Variants in CFAP54 observed in about 807,000 individuals in gnomAD.
CFAP54 encodes the protein cilia- and flagella-associated protein 54.
CFAP54 carries 290 observed loss-of-function variants against 370.4 expected under a neutral mutation model. The observed-to-expected ratio is 0.78, with a 90% CI of 0.71 to 0.86. CFAP54 has a LOEUF of 0.86. CFAP54 is among the 40% of genes least tolerant of loss of function. CFAP54 has a pLI of 0.00. For synonymous variants in CFAP54, 1,206 were observed against 1,236.5 expected (o/e 0.98, Z 0.52); for missense variants, 3,399 against 3,528.7 (o/e 0.96, Z 0.93).
Position 96,554,235 on chromosome 12 carries a change from C to A in CFAP54, c.2208C>A (p.Ile736=). The change falls in exon 16 of 68, where the codon ATC becomes ATA. Residue 736 remains isoleucine, a synonymous_variant. Coordinates refer to ENST00000524981, the MANE Select transcript of CFAP54 (RefSeq NM_001306084.2). ...CTTATAAACTTCTTGACAGAGCAAT[C>A]GGTGGAATAAATTTGAATTGCATGT... ...LFAYKLLDRA[I]GGINLNCMLT... is the part of the protein sequence containing the mutation. 3 of 1,526,294 alleles carry A rather than the reference C, an allele frequency of 2.0e-6. No homozygotes were observed. The South Asian group carries it at 3.6e-5, about 19-fold the overall frequency. 94.5% of individuals were successfully genotyped at this position (1,526,294 alleles called of 1,614,324 possible).
At chr12:96,615,755 T>A (rs944862369) in intron 26 of CFAP54, among the ~76,000 whole-genome samples, 2 of 152,116 alleles carry the variant, frequency 1.3e-5, no homozygotes, top group Admixed American at 6.5e-5. Flanking sequence ...AAAAGACACA[T>A]GAAAAAATGC....
intron 25 of CFAP54, among the ~76,000 whole-genome samples, chr12:96,595,187 C>G (rs1477866492): frequency 6.6e-6 from 1 of 152,156 alleles, no homozygotes. Context: ...TGCCACATGG[C>G]CCTTCCACAT....
At position 96,616,162 on chromosome 12, in the gene CFAP54, A is replaced by G. The variant is rs530491632; in HGVS notation, c.3640-5428A>G. 4.6e-5 allele frequency among the ~76,000 whole-genome samples: 7 copies of G among 152,354 alleles called. No homozygotes were observed. The South Asian group carries it at 8.3e-4, about 18-fold the overall frequency. The stretch of plus-strand genomic sequence containing the variant: ...GATTAAGAAAATGTGGCACATATAT[A>G]CCATGGAATACTATGTAGCCATAAA... On this transcript the variant is annotated intron_variant, in intron 26 of 67. Coordinates refer to ENST00000524981, the MANE Select transcript of CFAP54 (RefSeq NM_001306084.2).
intron 60 of CFAP54, among the ~76,000 whole-genome samples, chr12:96,777,016 C>T (rs1414804515): frequency 6.6e-6 from 1 of 152,204 alleles, no homozygotes; most frequent in African/African-American, 2.4e-5. Context: ...TTTGGCAGCA[C>T]ACCCGTCAGT....
chr12:96,543,391 G>A (rs906524608), intron 14 of CFAP54, among the ~76,000 whole-genome samples: 1 of 152,192 alleles, frequency 6.6e-6, no homozygotes, highest in Non-Finnish European at 1.5e-5. Flanking sequence ...GGGACCTCTA[G>A]GATCCCATAC....
chr12:96,724,128 A>G (rs1257148327), intron 50 of CFAP54, among the ~76,000 whole-genome samples: 1 of 151,096 alleles, frequency 6.6e-6, no homozygotes, highest in Non-Finnish European at 1.5e-5. Flanking sequence ...TAGTGCCGCA[A>G]TAAACATACA....
intron 20 of CFAP54, among the ~76,000 whole-genome samples, chr12:96,577,823 G>A (rs976247471): frequency 6.6e-6 from 1 of 152,162 alleles, no homozygotes; most frequent in African/African-American, 2.4e-5. Context: ...TACTTTGGGA[G>A]GCTGAGGCAG....
In CFAP54 at chr12:96,792,494, C is replaced by T; in HGVS notation, c.8845C>T (p.Pro2949Ser). ...PLDRPPKETE[P>S]MVLLLYAYNL... ...GGATAGACCTCCCAAGGAGACAGAA[C>T]CTATGGTATGTAATGTACTTATAGA... Residue 2949 changes from proline (P) to serine (S), a missense_variant, in exon 63 of 68, where the codon CCT becomes TCT. By Grantham distance (74) the Pro-to-Ser change is moderately conservative (BLOSUM62 -1). Transcript: ENST00000524981. The T allele has an allele frequency of 1.3e-6, 2 of 1,531,880 alleles. No homozygotes were observed. Among genetic ancestry groups the T allele is most frequent in the South Asian group, 2.4e-5 (2 of 83,606 alleles). 94.9% of individuals were successfully genotyped at this position (1,531,880 alleles called of 1,614,324 possible). A position where few individuals can be genotyped will look rare whatever the true frequency, so the allele number is the denominator to read the frequency against.
Position 96,514,271 on chromosome 12 carries a change from A to G in CFAP54, c.798+1227A>G, listed in dbSNP as rs77000584. On this transcript the variant is annotated intron_variant, in intron 5 of 67. Coordinates refer to ENST00000524981, the MANE Select transcript of CFAP54 (RefSeq NM_001306084.2). ...GCATAGCCAAGTATCTTAAAAGTTG[A>G]CAACATCTGAAAAATAAAAATGGAA... 1.4e-3 allele frequency among the ~76,000 whole-genome samples: 219 copies of G among 152,354 alleles called. 1 individual carries two copies. Among genetic ancestry groups the G allele is most frequent in the African/African-American group, 5.1e-3 (212 of 41,594 alleles).
chr12:96,827,814 ATATAT>A (rs1285669303), intron 65 of CFAP54, among the ~76,000 whole-genome samples: 2 of 113,436 alleles, frequency 1.8e-5, no homozygotes, highest in South Asian at 4.8e-4. Flanking sequence ...ATACATAGTA[ATATAT>A]TATATATAGT....
chr12:96,647,854 A>G (rs1056675191), intron 33 of CFAP54, 21 bp from the exon 34 acceptor site: 36 of 1,480,702 alleles, frequency 2.4e-5, no homozygotes, highest in African/African-American at 4.3e-5. Flanking sequence ...GTTTTTTAAT[A>G]TGATTTTTCC....
At chr12:96,818,036 G>C (rs1958996210) in intron 65 of CFAP54, 123 bp downstream of exon 65, 1 of 687,520 alleles carries the variant, frequency 1.5e-6, no homozygotes, top group African/African-American at 1.8e-5. Context: ...CAGAGTACGA[G>C]ACATGACTCA....
In CFAP54 at chr12:96,609,701, A is replaced by G. The variant is rs181225466; in HGVS notation, c.3639+10934A>G. ...GGTAAAAAAATTACTAGGATTACAA[A>G]GAGAATATGTAAAGTGATTCTATGT... is the stretch of plus-strand genomic sequence containing the variant. On this transcript the variant is annotated intron_variant, in intron 26 of 67. Transcript: ENST00000524981. 1.1e-4 allele frequency among the ~76,000 whole-genome samples: 16 copies of G among 152,326 alleles called. No individual in the cohort carries two copies. In the East Asian group the frequency reaches 2.7e-3, roughly 26 times the overall value.
chr12:96,699,164 A>T (rs1957466143), intron 45 of CFAP54, among the ~76,000 whole-genome samples: 2 of 152,134 alleles, frequency 1.3e-5, no homozygotes, highest in African/African-American at 4.8e-5. Flanking sequence ...TAACAAAGTT[A>T]TACTTCTATG....
chr12:96,805,689 C>A (rs1022270426), intron 63 of CFAP54, among the ~76,000 whole-genome samples: 1 of 151,968 alleles, frequency 6.6e-6, no homozygotes, highest in Non-Finnish European at 1.5e-5. Flanking sequence ...AGAGATTTCT[C>A]AGGTAACTAA....
intron 17 of CFAP54, among the ~76,000 whole-genome samples, chr12:96,558,715 A>C (rs534730768): frequency 6.6e-6 from 1 of 152,184 alleles, no homozygotes; most frequent in Non-Finnish European, 1.5e-5. Context: ...CTCACCATAT[A>C]TAAAAATCAA....
chr12:96,505,585 C>T lies in CFAP54; in HGVS notation c.568-1343C>T, dbSNP rs190288101. ...TGGTGCAGTCTTGGCTCACTGCAGCCTCCGCCTCCTGGGCCCAAGTGATTC... is the reference window on the plus strand; with the variant it reads ...TGGTGCAGTCTTGGCTCACTGCAGCTTCCGCCTCCTGGGCCCAAGTGATTC... On this transcript the variant is annotated intron_variant, in intron 3 of 67. Coordinates refer to ENST00000524981, the MANE Select transcript of CFAP54 (RefSeq NM_001306084.2). 8.0e-4 allele frequency among the ~76,000 whole-genome samples: 121 copies of T among 151,348 alleles called. 1 individual carries two copies. The East Asian group carries it at 0.019, about 24-fold the overall frequency.
chr12:96,592,125 C>T (rs971268356), intron 23 of CFAP54, among the ~76,000 whole-genome samples: 2 of 151,794 alleles, frequency 1.3e-5, no homozygotes, highest in African/African-American at 4.8e-5. Context: ...TGTTAGTTAG[C>T]GTGAATGAAA....
intron 4 of CFAP54, among the ~76,000 whole-genome samples, chr12:96,511,628 G>C (rs1323289693): frequency 6.6e-6 from 1 of 151,262 alleles, no homozygotes; most frequent in Non-Finnish European, 1.5e-5. Context: ...GGGATTACAG[G>C]TGCACACCAT....
Sources: gnomAD v4.1 joint callset for allele counts (sites outside exome capture counted in the v4.1 genomes callset) on GRCh38, gnomAD v4.1.1 for gene constraint, MANE v1.5 for transcripts, NCBI Gene and HGNC (gene_info 2026-07-23, HGNC 2026-07-21) for gene names.